FGF12: variants seen among roughly 807,000 people sequenced by gnomAD.
FGF12 encodes fibroblast growth factor 12B.
A neutral mutation model predicts 23.6 loss-of-function variants in FGF12; 14 were observed. The ratio of observed to expected loss-of-function variants is 0.59; its 90% CI spans 0.39 to 0.93. The LOEUF (loss-of-function observed/expected upper bound fraction) is 0.93. Among genes scored for constraint, FGF12 ranks in the 40% least tolerant of loss-of-function variants. FGF12 has a pLI of 0.00. For missense variants in FGF12, 175 were observed against 217.8 expected, an observed-to-expected ratio of 0.80 and a Z score of 1.24; for synonymous variants, 62 against 77.3, an observed-to-expected ratio of 0.80 and a Z score of 1.04.
rs11269443 is a variant in FGF12 at position 192,599,254 on chromosome 3, T to TATAATA, written c.13+127921_13+127926dup. 7.2e-3 allele frequency among the ~76,000 whole-genome samples: 707 copies of TATAATA among 98,322 alleles called. 12 individuals carry two copies. Among genetic ancestry groups the TATAATA allele is most frequent in the East Asian group, 0.047 (154 of 3,292 alleles). 64.5% of individuals were successfully genotyped at this position (98,322 alleles called of 152,430 possible). On this transcript the variant is annotated intron_variant, in intron 2 of 5. Coordinates refer to ENST00000445105, the MANE Select transcript of FGF12 (RefSeq NM_004113.6). Reference sequence around the variant, plus strand: ...TGCACACGTACCCCAGAACTTGAAGTATAATAATAATAATAATAATAATAA... The same window carrying TATAATA: ...TGCACACGTACCCCAGAACTTGAAGTATAATAATAATAATAATAATAATAATAATAA...
chr3:192,684,437 T>C (rs1032599509), intron 2 of FGF12, among the ~76,000 whole-genome samples: 1 of 152,084 alleles, frequency 6.6e-6, no homozygotes, highest in Non-Finnish European at 1.5e-5. Flanking sequence ...TTTTTTTCAT[T>C]TGGAAAAAGG....
chr3:192,702,077 G>A (rs1485477098), intron 2 of FGF12, among the ~76,000 whole-genome samples: 3 of 151,910 alleles, frequency 2.0e-5, no homozygotes, highest in Non-Finnish European at 4.4e-5. Flanking sequence ...CTATGTATTC[G>A]ACTTTTTAAA....
chr3:192,427,269 T>G (rs574897133), intron 2 of FGF12, among the ~76,000 whole-genome samples: 2 of 151,884 alleles, frequency 1.3e-5, no homozygotes, highest in East Asian at 3.9e-4. Flanking sequence ...TAATCCCAGC[T>G]ACTCAGGAGG....
intron 2 of FGF12, among the ~76,000 whole-genome samples, chr3:192,398,939 A>T (rs1720642489): frequency 6.6e-6 from 1 of 152,102 alleles, no homozygotes; most frequent in African/African-American, 2.4e-5. Context: ...TCATTGATTT[A>T]ACAGCAACTG....
At chr3:192,679,868 G>A (rs1228750659) in intron 2 of FGF12, among the ~76,000 whole-genome samples, 1 of 152,180 alleles carries the variant, frequency 6.6e-6, no homozygotes, top group East Asian at 1.9e-4. Context: ...AGGACTTTAT[G>A]TTTCAGTGGC....
chr3:192,420,440 T>C (rs969824599), intron 2 of FGF12, among the ~76,000 whole-genome samples: 1 of 152,208 alleles, frequency 6.6e-6, no homozygotes, highest in Non-Finnish European at 1.5e-5. Context: ...TGAAATATGA[T>C]CACCAATGTT....
chr3:192,567,783 T>TTCTG lies in FGF12; in HGVS notation c.13+159397_13+159398insCAGA, dbSNP rs1312467651. On this transcript the variant is annotated intron_variant, in intron 2 of 5. Transcript: ENST00000445105. ...TTTCTTTCTTTCTTTCTTTCTTTCT[T>TTCTG]TCTTTCTTTCTTTCTTTCTCTTTCT... Among the ~76,000 whole-genome samples the TTCTG allele has an allele frequency of 5.2e-5, 7 of 135,466 alleles. 1 individual carries two copies. In the East Asian group the frequency reaches 8.0e-4, roughly 16 times the overall value. 88.9% of individuals were successfully genotyped at this position (135,466 alleles called of 152,430 possible). A position where few individuals can be genotyped will look rare whatever the true frequency, so the allele number is the denominator to read the frequency against.
chr3:192,553,095 G>T (rs1208042268), intron 2 of FGF12, among the ~76,000 whole-genome samples: 1 of 151,980 alleles, frequency 6.6e-6, no homozygotes, highest in Admixed American at 6.6e-5. Context: ...GTAAAAATAC[G>T]CTATAATAAT....
chr3:192,703,745 G>C (rs1718377554), intron 2 of FGF12, among the ~76,000 whole-genome samples: 1 of 152,180 alleles, frequency 6.6e-6, no homozygotes, highest in Admixed American at 6.5e-5. Flanking sequence ...GAGGTGATTG[G>C]ATTGTAGGGA....
chr3:192,692,916 C>A (rs748576263), intron 2 of FGF12, among the ~76,000 whole-genome samples: 16 of 151,620 alleles, frequency 1.1e-4, no homozygotes, highest in Admixed American at 8.5e-4. Flanking sequence ...GCAAGGATGC[C>A]TACTCTCACC....
intron 2 of FGF12, among the ~76,000 whole-genome samples, chr3:192,719,654 T>C (rs1308204792): frequency 6.7e-6 from 1 of 150,276 alleles, no homozygotes. Context: ...TTAGATAAAA[T>C]GTGTAAATAG....
intron 2 of FGF12, among the ~76,000 whole-genome samples, chr3:192,412,195 C>T (rs897482781): frequency 6.6e-6 from 1 of 152,202 alleles, no homozygotes; most frequent in Non-Finnish European, 1.5e-5. Flanking sequence ...CAGTCCTGTG[C>T]ACCGCCACCC....
At chr3:192,674,791 A>C (rs1489670468) in intron 2 of FGF12, among the ~76,000 whole-genome samples, 2 of 152,166 alleles carry the variant, frequency 1.3e-5, no homozygotes, top group Non-Finnish European at 2.9e-5. Context: ...GAGAAAATGT[A>C]CTCTAAACTA....
chr3:192,167,091 G>A (rs1284617418), intron 5 of FGF12, among the ~76,000 whole-genome samples: 3 of 147,184 alleles, frequency 2.0e-5, no homozygotes, highest in African/African-American at 7.5e-5. Context: ...GCCTGAAGCA[G>A]AGTTTTTAGT....
intron 2 of FGF12, among the ~76,000 whole-genome samples, chr3:192,630,643 C>G (rs1214102397): frequency 4.6e-5 from 7 of 151,020 alleles, no homozygotes; most frequent in Non-Finnish European, 1.0e-4. Context: ...AGCTCTGTCT[C>G]CCAGGTTCAC....
At chr3:192,398,430 G>C (rs1250008588) in intron 2 of FGF12, among the ~76,000 whole-genome samples, 1 of 148,946 alleles carries the variant, frequency 6.7e-6, no homozygotes. Flanking sequence ...TTGTCACCCA[G>C]ACTGGAGTGC....
chr3:192,237,370 A>G (rs1577265006), intron 4 of FGF12, among the ~76,000 whole-genome samples: 2 of 152,234 alleles, frequency 1.3e-5, no homozygotes, highest in Non-Finnish European at 1.5e-5. Flanking sequence ...CTGAATTTGC[A>G]TGTTGATCAC....
intron 2 of FGF12, among the ~76,000 whole-genome samples, chr3:192,547,216 G>T (rs1034812972): frequency 2.6e-5 from 4 of 152,180 alleles, no homozygotes; most frequent in African/African-American, 9.7e-5. Flanking sequence ...ATAGAAAACA[G>T]AGTGGCAATT....
chr3:192,374,322 C>T (rs1229953872), intron 2 of FGF12, among the ~76,000 whole-genome samples: 1 of 152,182 alleles, frequency 6.6e-6, no homozygotes, highest in Non-Finnish European at 1.5e-5. Context: ...TTCCATGGAT[C>T]ACCTGTGTAG....
Sources: gnomAD v4.1 joint callset for allele counts (sites outside exome capture counted in the v4.1 genomes callset) on GRCh38, gnomAD v4.1.1 for gene constraint, MANE v1.5 for transcripts, NCBI Gene and HGNC (gene_info 2026-07-23, HGNC 2026-07-21) for gene names.